Variants in USP34 observed in about 807,000 individuals in gnomAD.
USP34 encodes ubiquitin carboxyl-terminal hydrolase 34.
Under a neutral mutation model 460.3 loss-of-function variants are expected in USP34, and 70 were observed. The ratio of observed to expected loss-of-function variants is 0.15; its 90% CI spans 0.13 to 0.19. USP34 has a LOEUF of 0.19. USP34 is among the 10% of genes least tolerant of loss of function. The pLI is 1.00. For missense variants in USP34, 3,985 were observed against 4,236.2 expected, an observed-to-expected ratio of 0.94 and a Z score of 1.65; for synonymous variants, 1,647 against 1,405.3, an observed-to-expected ratio of 1.17 and a Z score of -3.85.
chr2:61,196,247 A>ATTT, intron 75 of USP34, among the ~76,000 whole-genome samples: 1 of 136,164 alleles, frequency 7.3e-6, no homozygotes, highest in Non-Finnish European at 1.6e-5. Context: ...TGCCTGGCTA[A>ATTT]TTTTTTTTTT....
intron 38 of USP34, 36 bp from the exon 39 acceptor site, chr2:61,280,384 T>TA: frequency 9.9e-7 from 1 of 1,013,648 alleles, no homozygotes; most frequent in African/African-American, 1.7e-5. Context: ...GAAAACATTT[T>TA]AAAAATAAAT....
At position 61,378,338 on chromosome 2, in the gene USP34, T is replaced by A. The variant is rs749707162; in HGVS notation, c.1076+25A>T. 1.2e-5 allele frequency: 18 copies of A among 1,483,702 alleles called. No individual in the cohort carries two copies. In the African/African-American group the frequency reaches 2.3e-4, roughly 19 times the overall value. 91.9% of individuals were successfully genotyped at this position (1,483,702 alleles called of 1,614,324 possible). A position where few individuals can be genotyped will look rare whatever the true frequency, so the allele number is the denominator to read the frequency against. On this transcript the variant is annotated intron_variant, in intron 8 of 79. Coordinates refer to ENST00000398571, the MANE Select transcript of USP34 (RefSeq NM_014709.4). ...ACTGTACATTAAAATGGTATACTTATATATAAATTAATGCTCCTACTTACG... is the reference window on the plus strand; with the variant it reads ...ACTGTACATTAAAATGGTATACTTAAATATAAATTAATGCTCCTACTTACG...
rs370435847 is a variant in USP34, at chr2:61,424,030, G to C, written c.44-3197C>G. On this transcript the variant is annotated intron_variant, in intron 1 of 79. Transcript: ENST00000398571. Reference sequence around the variant, plus strand: ...GGAACTGGAACCATTGTGTACTCTTGCTGGGAATATAAAATGTTACAGCTG... The same window carrying C: ...GGAACTGGAACCATTGTGTACTCTTCCTGGGAATATAAAATGTTACAGCTG... Among the ~76,000 whole-genome samples the C allele has an allele frequency of 1.1e-4, 16 of 152,290 alleles. No individual in the cohort carries two copies. In the South Asian group the frequency reaches 1.7e-3, roughly 16 times the overall value.
At chr2:61,196,021 C>G (rs1686793436) in intron 75 of USP34, among the ~76,000 whole-genome samples, 2 of 150,086 alleles carry the variant, frequency 1.3e-5, no homozygotes, top group Non-Finnish European at 2.9e-5. Flanking sequence ...GTTCTCCCAG[C>G]TCAGTCTCCT....
chr2:61,257,127 A>G lies in USP34; in HGVS notation c.5992-19T>C. 5 of 1,571,702 alleles carry G rather than the reference A, an allele frequency of 3.2e-6. No homozygotes were observed. The highest frequency in any genetic ancestry group is 4.3e-6 in the Non-Finnish European group (5 of 1,165,100). ...TATTTTTCTTTAATATAAAACAAAC[A>G]AAAAATAAGAAACTAGTTAAAACGC... is the stretch of plus-strand genomic sequence containing the variant. On this transcript the variant is annotated intron_variant, in intron 45 of 79. Transcript: ENST00000398571.
At chr2:61,347,752 G>A (rs1269688702) in intron 15 of USP34, 118 bp downstream of exon 15, 2 of 1,476,396 alleles carry the variant, frequency 1.4e-6, no homozygotes, top group African/African-American at 2.8e-5. Context: ...TACATTTATA[G>A]TTTGCACTAT....
At chr2:61,298,589 A>C (rs533565150) in intron 29 of USP34, among the ~76,000 whole-genome samples, 1 of 145,060 alleles carries the variant, frequency 6.9e-6, no homozygotes, top group East Asian at 2.0e-4. Context: ...GAAACAATGA[A>C]ATGCTTTCCC....
intron 10 of USP34, among the ~76,000 whole-genome samples, chr2:61,365,048 T>C (rs1692388931): frequency 6.6e-6 from 1 of 152,078 alleles, no homozygotes; most frequent in Admixed American, 6.5e-5. Flanking sequence ...GGTTAGGAGT[T>C]TGAGACCAGC....
intron 75 of USP34, among the ~76,000 whole-genome samples, chr2:61,196,677 G>T (rs536554907): frequency 6.6e-6 from 1 of 152,138 alleles, no homozygotes; most frequent in South Asian, 2.1e-4. Context: ...GACTACTGGT[G>T]TGTGCTTCCA....
intron 10 of USP34, among the ~76,000 whole-genome samples, chr2:61,367,708 AAAAC>A (rs1042717398): frequency 6.6e-6 from 1 of 152,146 alleles, no homozygotes; most frequent in African/African-American, 2.4e-5. Context: ...ATAGCAATAA[AAAAC>A]AAATTCCTTA....
intron 48 of USP34, among the ~76,000 whole-genome samples, chr2:61,254,423 C>G (rs1425605016): frequency 6.6e-6 from 1 of 152,180 alleles, no homozygotes; most frequent in East Asian, 1.9e-4. Flanking sequence ...AATCTGATGC[C>G]ATCGTGTTAC....
chr2:61,284,906 C>T lies in USP34; in HGVS notation c.4801G>A (p.Val1601Ile), dbSNP rs376750422. 3.1e-6 allele frequency: 5 copies of T among 1,611,108 alleles called. No homozygotes were observed. The highest frequency in any genetic ancestry group is 1.3e-5 in the African/African-American group (1 of 74,818). The part of the protein sequence containing the change: ...GTSLIQRLMS[V>I]AYTYDNLAPR... ...GCCAGATTATCATACGTATAAGCAA[C>T]AGACATAAGTCGCTGAATCAAACTG... Residue 1601 changes from valine (V) to isoleucine (I), a missense_variant, in exon 35 of 80, where the codon GTT becomes ATT. By Grantham distance (29) the Val-to-Ile change is conservative. Around this residue, in one of 14 missense-constraint regions of USP34, gnomAD observed 1,114 missense variants for 1,122.5 expected, o/e 0.99. Transcript: ENST00000398571.
At chr2:61,190,812 G>C (rs1263552760) in intron 76 of USP34, 154 bp from the exon 77 acceptor site, 2 of 881,210 alleles carry the variant, frequency 2.3e-6, no homozygotes, top group African/African-American at 3.4e-5. Flanking sequence ...CTCACCTATT[G>C]AATTTTTAGT....
intron 41 of USP34, among the ~76,000 whole-genome samples, chr2:61,267,378 G>A (rs751587192): frequency 2.0e-5 from 3 of 151,448 alleles, no homozygotes; most frequent in Non-Finnish European, 4.4e-5. Context: ...TAAAGAATGT[G>A]TAATTCATAG....
intron 10 of USP34, among the ~76,000 whole-genome samples, chr2:61,365,331 A>ATATG (rs905419654): frequency 4.8e-4 from 73 of 151,822 alleles, no homozygotes; most frequent in South Asian, 4.2e-3. Flanking sequence ...GTGTGTGTAT[A>ATATG]TATGTATGTA....
At chr2:61,291,917 G>A (rs1176572347) in intron 33 of USP34, among the ~76,000 whole-genome samples, 4 of 152,132 alleles carry the variant, frequency 2.6e-5, no homozygotes, top group South Asian at 2.1e-4. Context: ...CTACTTCCAA[G>A]GATGAATCTC....
Position 61,449,532 on chromosome 2 carries a change from A to C in USP34, c.43+21118T>G, listed in dbSNP as rs113265478. ...TTGAAAAAAAAAACAAAAACAAAAAAAAAACAAAGATTTACACTTTCTGAC... is the reference window on the plus strand; with the variant it reads ...TTGAAAAAAAAAACAAAAACAAAAACAAAACAAAGATTTACACTTTCTGAC... On this transcript the variant is annotated intron_variant, in intron 1 of 79. Transcript: ENST00000398571. Among the ~76,000 whole-genome samples, 938 of 152,176 alleles carry C rather than the reference A, an allele frequency of 6.2e-3. 3 individuals are homozygous for C. Among genetic ancestry groups the C allele is most frequent in the African/African-American group, 0.02 (836 of 41,532 alleles).
intron 2 of USP34, among the ~76,000 whole-genome samples, chr2:61,414,177 C>A (rs1217581588): frequency 2.0e-5 from 3 of 151,748 alleles, no homozygotes; most frequent in Admixed American, 2.0e-4. Context: ...ACTGCTTGGA[C>A]CCAGGAGGCA....
chr2:61,192,745 T>G (rs1337747843), intron 76 of USP34, among the ~76,000 whole-genome samples, 156 bp downstream of exon 76: 1 of 152,244 alleles, frequency 6.6e-6, no homozygotes, highest in African/African-American at 2.4e-5. Context: ...ATGCCTAATA[T>G]GTAATAGCTA....
Sources: allele counts gnomAD v4.1 joint callset (sites outside exome capture counted in the v4.1 genomes callset), GRCh38; gene constraint gnomAD v4.1.1; regional missense constraint gnomAD v4.1.1; transcripts MANE v1.5; gene names NCBI Gene and HGNC (gene_info 2026-07-23, HGNC 2026-07-21).